TAFA2: variants seen among roughly 807,000 people sequenced by gnomAD.
TAFA2 encodes the protein TAFA chemokine like family member 2, also known as chemokine-like protein TAFA-2.
In TAFA2, 7 loss-of-function variants were observed where a neutral mutation model predicts 18.8. The ratio of observed to expected loss-of-function variants is 0.37; its 90% CI spans 0.21 to 0.70. The LOEUF (loss-of-function observed/expected upper bound fraction) is 0.70. TAFA2 is among the 30% of genes least tolerant of loss of function. The pLI is 0.53. For synonymous variants in TAFA2, 60 were observed against 54.2 expected, an observed-to-expected ratio of 1.11 and a Z score of -0.47; for missense variants, 122 against 158.1, an observed-to-expected ratio of 0.77 and a Z score of 1.23.
chr12:61,923,514 G>A (rs1000691523), intron 1 of TAFA2, among the ~76,000 whole-genome samples: 4 of 152,134 alleles, frequency 2.6e-5, no homozygotes, highest in African/African-American at 9.7e-5. Context: ...CTGCTAGAAG[G>A]AAAACTAACA....
chr12:61,914,086 T>C (rs1460565459), intron 1 of TAFA2, among the ~76,000 whole-genome samples: 1 of 152,152 alleles, frequency 6.6e-6, no homozygotes, highest in African/African-American at 2.4e-5. Flanking sequence ...GGAGTTAAAC[T>C]AGATTTGAGG....
chr12:61,861,261 T>C (rs960002436), intron 2 of TAFA2, among the ~76,000 whole-genome samples: 3 of 149,206 alleles, frequency 2.0e-5, no homozygotes, highest in African/African-American at 7.5e-5. Flanking sequence ...CTCGCCTTTT[T>C]TTTTTTTTTT....
At chr12:62,201,082 T>A (rs1033878630) in intron 1 of TAFA2, among the ~76,000 whole-genome samples, 2 of 152,160 alleles carry the variant, frequency 1.3e-5, no homozygotes, top group African/African-American at 4.8e-5. Context: ...GATTTTTGTA[T>A]GTTTATTTTG....
intron 1 of TAFA2, among the ~76,000 whole-genome samples, chr12:61,881,951 A>C (rs929888090): frequency 6.6e-5 from 10 of 152,096 alleles, no homozygotes; most frequent in Admixed American, 2.6e-4. Flanking sequence ...ACATATGAAT[A>C]CAAAAAAAAA....
chr12:62,120,849 A>T (rs1363893340), intron 1 of TAFA2, among the ~76,000 whole-genome samples: 8 of 149,562 alleles, frequency 5.3e-5, no homozygotes, highest in East Asian at 1.9e-4. Context: ...ATTATTATTT[A>T]TTTTATTTAT....
chr12:62,079,663 C>CAA (rs372534984), intron 1 of TAFA2, among the ~76,000 whole-genome samples: 10 of 122,626 alleles, frequency 8.2e-5, no homozygotes, highest in Non-Finnish European at 1.6e-4. Flanking sequence ...GACTCTGTCT[C>CAA]AAAAAAAAAA....
In TAFA2 at chr12:62,002,985, C is replaced by G. The variant is rs146927876; in HGVS notation, c.-1-135559G>C. 3.2e-3 allele frequency among the ~76,000 whole-genome samples: 492 copies of G among 152,206 alleles called. 3 individuals are homozygous for G. The highest frequency in any genetic ancestry group is 5.7e-3 in the Non-Finnish European group (386 of 68,022). ...TTCACCCATCTGACATCCTCTCTAC[C>G]CTTCTTACTCAGATTAAATTCTATT... On this transcript the variant is annotated intron_variant, in intron 1 of 4. Coordinates refer to ENST00000416284, the MANE Select transcript of TAFA2 (RefSeq NM_178539.5).
At position 62,147,322 on chromosome 12, in the gene TAFA2, GTATGTATATATATATATATATA is replaced by G. The variant is rs1296401256; in HGVS notation, c.-2+43915_-2+43936del. ...TGTATGCATGTGTGTGTGTGTGTAT[GTATGTATATATATATATATATA>G]TATATATATATATATATATATATAT... On this transcript the variant is annotated intron_variant, in intron 1 of 4. Coordinates refer to ENST00000416284, the MANE Select transcript of TAFA2 (RefSeq NM_178539.5). Among the ~76,000 whole-genome samples, 107 of 49,384 alleles carry G rather than the reference GTATGTATATATATATATATATA, an allele frequency of 2.2e-3. 2 individuals are homozygous for G. Among genetic ancestry groups the G allele is most frequent in the East Asian group, 0.011 (17 of 1,538 alleles). 32.4% of individuals were successfully genotyped at this position (49,384 alleles called of 152,430 possible).
chr12:62,077,212 C>T (rs932792907), intron 1 of TAFA2, among the ~76,000 whole-genome samples: 1 of 152,138 alleles, frequency 6.6e-6, no homozygotes, highest in Non-Finnish European at 1.5e-5. Context: ...AGAGACACTT[C>T]TTTCAATTAA....
At chr12:62,177,491 A>G (rs897703801) in intron 1 of TAFA2, among the ~76,000 whole-genome samples, 2 of 152,196 alleles carry the variant, frequency 1.3e-5, no homozygotes, top group African/African-American at 2.4e-5. Context: ...GTGTTAAGAC[A>G]TTTCCTGGGA....
At chr12:61,808,767 A>T (rs1266409507) in intron 2 of TAFA2, among the ~76,000 whole-genome samples, 1 of 151,502 alleles carries the variant, frequency 6.6e-6, no homozygotes, top group East Asian at 1.9e-4. Context: ...AACGAGATCA[A>T]TGTTGTCACA....
At chr12:62,161,194 A>G (rs998524653) in intron 1 of TAFA2, among the ~76,000 whole-genome samples, 2 of 152,170 alleles carry the variant, frequency 1.3e-5, no homozygotes, top group African/African-American at 4.8e-5. Flanking sequence ...TCACTGATTC[A>G]TCAAAAATCA....
intron 1 of TAFA2, among the ~76,000 whole-genome samples, chr12:61,959,544 G>GT (rs1334800568): frequency 6.6e-6 from 1 of 151,970 alleles, no homozygotes; most frequent in Non-Finnish European, 1.5e-5. Flanking sequence ...TCTATCAGCT[G>GT]TTTTTATTCA....
At chr12:61,723,725 C>T (rs1045995758) in intron 4 of TAFA2, among the ~76,000 whole-genome samples, 1 of 152,202 alleles carries the variant, frequency 6.6e-6, no homozygotes, top group African/African-American at 2.4e-5. Flanking sequence ...CTGTGATGCT[C>T]TAATTGGTAT....
At chr12:62,141,121 T>C (rs2062236439) in intron 1 of TAFA2, among the ~76,000 whole-genome samples, 1 of 152,216 alleles carries the variant, frequency 6.6e-6, no homozygotes, top group African/African-American at 2.4e-5. Context: ...TTGTCCAAGG[T>C]TACCAGTCAG....
intron 2 of TAFA2, among the ~76,000 whole-genome samples, chr12:61,787,433 C>T (rs777386608): frequency 1.3e-5 from 2 of 151,552 alleles, no homozygotes; most frequent in Non-Finnish European, 3.0e-5. Flanking sequence ...TCTAAAGGTG[C>T]TATGTAAATC....
chr12:61,930,628 C>T (rs1231161129), intron 1 of TAFA2, among the ~76,000 whole-genome samples: 2 of 152,186 alleles, frequency 1.3e-5, no homozygotes, highest in African/African-American at 4.8e-5. Context: ...CTCTATACTG[C>T]TCCATTTAAT....
rs971252987 is a variant in TAFA2 at position 61,852,961 on chromosome 12, G to A, written c.106+14359C>T. Among the ~76,000 whole-genome samples, 13 of 152,134 alleles carry A rather than the reference G, an allele frequency of 8.5e-5. No individual in the cohort carries two copies. The East Asian group carries it at 1.5e-3, about 18-fold the overall frequency. ...AAACCTTTAGCTGTAGGAAGAATAA[G>A]TACTGCAGATCTAACATACAGGATA... On this transcript the variant is annotated intron_variant, in intron 2 of 4. Coordinates refer to ENST00000416284, the MANE Select transcript of TAFA2 (RefSeq NM_178539.5).
chr12:62,253,454 C>CTCT (rs1193649174), intron 1 of TAFA2: 1 of 152,216 alleles, frequency 6.6e-6, no homozygotes, highest in Admixed American at 6.5e-5. Flanking sequence ...GAAGTATTGT[C>CTCT]TCTTACATTT....
Sources: gnomAD v4.1 joint callset for allele counts (sites outside exome capture counted in the v4.1 genomes callset) on GRCh38, gnomAD v4.1.1 for gene constraint, MANE v1.5 for transcripts, NCBI Gene and HGNC (gene_info 2026-07-23, HGNC 2026-07-21) for gene names.